The following SNX32 variants were observed in gnomAD, a reference collection of about 807,000 sequenced individuals.
SNX32 encodes sorting nexin-32.
In SNX32, 58 loss-of-function variants were observed where a neutral mutation model predicts 57.0. The ratio of observed to expected loss-of-function variants is 1.02; its 90% confidence interval spans 0.82 to 1.27. SNX32 has a LOEUF of 1.27. Among genes scored for constraint, SNX32 ranks in the 50% most tolerant of loss-of-function variants. SNX32 has a pLI of 0.00. For missense variants in SNX32, 589 were observed against 541.2 expected, an observed-to-expected ratio of 1.09 and a Z score of -0.88; for synonymous variants, 262 against 220.4, an observed-to-expected ratio of 1.19 and a Z score of -1.67.
chr11:65,836,002 G>A (rs931883434), intron 1 of SNX32, among the ~76,000 whole-genome samples: 1 of 152,062 alleles, frequency 6.6e-6, no homozygotes, highest in Non-Finnish European at 1.5e-5. Flanking sequence ...TATTGTAAGG[G>A]CCAACATAAG....
rs1292764812 is a variant in SNX32 at position 65,852,937 on chromosome 11, G to C, written c.1137G>C (p.Glu379Asp). ...SFRKNLIELAELELKHAKAST... is the reference protein window; with the variant it reads ...SFRKNLIELADLELKHAKAST... Reference sequence around the variant, plus strand: ...GAAAGAATCTCATTGAGCTGGCAGAGCTGGAGCTCAAACACGCCAAGGTGA... The same window carrying C: ...GAAAGAATCTCATTGAGCTGGCAGACCTGGAGCTCAAACACGCCAAGGTGA... Residue 379 changes from glutamate (E) to aspartate (D), a missense_variant, in exon 12 of 13, where the codon GAG (glutamate) becomes GAC (aspartate). Physicochemically the swap from Glu to Asp is conservative, Grantham distance 45. Coordinates refer to ENST00000308342, the MANE Select transcript of SNX32 (RefSeq NM_152760.3). The C allele has an allele frequency of 6.2e-7, 1 of 1,614,130 alleles. No homozygotes were observed. The highest frequency in any genetic ancestry group is 8.5e-7 in the Non-Finnish European group (1 of 1,180,002).
chr11:65,852,419 G>C lies in SNX32; in HGVS notation c.826-46G>C, dbSNP rs200156250. The C allele has an allele frequency of 9.2e-4, 1,413 of 1,542,596 alleles. 1 individual carries two copies. Among genetic ancestry groups the C allele is most frequent in the Non-Finnish European group, 1.1e-3 (1,238 of 1,115,348 alleles). ...AAGAGGTGCCTCCCACCCCTTAGCT[G>C]CCCCTCTGACAAGCTCCCTTCCCAG... On this transcript the variant is annotated intron_variant, in intron 9 of 12. Transcript: ENST00000308342.
In SNX32 at chr11:65,839,225, A is replaced by ATTTTTTTTTTTTTTTTT. The variant is rs1168882508; in HGVS notation, c.36+5130_36+5146dup. The stretch of plus-strand genomic sequence containing the variant: ...CACCACGCCCAGCTAATTTTTTTGT[A>ATTTTTTTTTTTTTTTTT]TTTTTTTTTTTTTTTTTTTTTTGAG... On this transcript the variant is annotated intron_variant, in intron 1 of 12. Coordinates refer to ENST00000308342, the MANE Select transcript of SNX32 (RefSeq NM_152760.3). Among the ~76,000 whole-genome samples the ATTTTTTTTTTTTTTTTT allele has an allele frequency of 5.1e-3, 141 of 27,632 alleles. 44 individuals carry two copies. The highest frequency in any genetic ancestry group is 0.01 in the Admixed American group (14 of 1,358). 18.1% of individuals were successfully genotyped at this position (27,632 alleles called of 152,430 possible).
chr11:65,848,105 C>G (rs1349081361), intron 1 of SNX32, among the ~76,000 whole-genome samples: 1 of 152,092 alleles, frequency 6.6e-6, no homozygotes, highest in African/African-American at 2.4e-5. Flanking sequence ...CCACATATCA[C>G]CAAGCCCCAT....
At chr11:65,839,650 ATAAG>A in intron 1 of SNX32, among the ~76,000 whole-genome samples, 1 of 151,486 alleles carries the variant, frequency 6.6e-6, no homozygotes, top group Non-Finnish European at 1.5e-5. Context: ...CGGCTGGAAA[ATAAG>A]TAACTAAAAA....
In SNX32 at chr11:65,839,733, A is replaced by C. The variant is rs1229097436; in HGVS notation, c.36+5632A>C. On this transcript the variant is annotated intron_variant, in intron 1 of 12. Transcript: ENST00000308342. ...GGGTGACACAGTGAGACCCTGTCCC[A>C]AAAAAAAAAAAAAAAATTATCAAGC... Among the ~76,000 whole-genome samples, 16 of 64,028 alleles carry C rather than the reference A, an allele frequency of 2.5e-4. No individual in the cohort carries two copies. In the South Asian group the frequency reaches 3.4e-3, roughly 14 times the overall value. 42.0% of individuals were successfully genotyped at this position (64,028 alleles called of 152,430 possible). A position where few individuals can be genotyped will look rare whatever the true frequency, so the allele number is the denominator to read the frequency against.
intron 1 of SNX32, among the ~76,000 whole-genome samples, chr11:65,836,970 G>A (rs1858686807): frequency 6.6e-6 from 1 of 152,080 alleles, no homozygotes; most frequent in Non-Finnish European, 1.5e-5. Context: ...AAACCTAGAT[G>A]ACGGGTTGAT....
At chr11:65,849,356 C>A in intron 1 of SNX32, 122 bp from the exon 2 acceptor site, 1 of 728,478 alleles carries the variant, frequency 1.4e-6, no homozygotes. Flanking sequence ...CTCTGGTGAC[C>A]TGGGGCATTG....
At chr11:65,838,092 GT>G (rs1858721184) in intron 1 of SNX32, among the ~76,000 whole-genome samples, 2 of 151,988 alleles carry the variant, frequency 1.3e-5, no homozygotes, top group African/African-American at 4.8e-5. Context: ...GGAGGCGGAG[GT>G]TGCAGTGAGC....
intron 1 of SNX32, among the ~76,000 whole-genome samples, chr11:65,843,839 A>T (rs1398885985): frequency 1.3e-5 from 2 of 152,254 alleles, no homozygotes; most frequent in African/African-American, 4.8e-5. Flanking sequence ...CTCCAGCAAC[A>T]GTTCCTACAA....
intron 1 of SNX32, among the ~76,000 whole-genome samples, chr11:65,839,223 G>GTTTGTTTTTTTTTTTTT (rs755185237): frequency 8.7e-5 from 2 of 23,078 alleles, no homozygotes; most frequent in African/African-American, 2.0e-4. Context: ...TAATTTTTTT[G>GTTTGTTTTTTTTTTTTT]TATTTTTTTT....
In SNX32 at chr11:65,851,649, C is replaced by T. The variant is rs757402274; in HGVS notation, c.795C>T (p.Leu265=). The T allele has an allele frequency of 1.2e-6, 2 of 1,614,122 alleles. No homozygotes were observed. The highest frequency in any genetic ancestry group is 2.2e-5 in the South Asian group (2 of 91,066). Residue 265 remains leucine, a synonymous_variant, in exon 9 of 13, where the codon CTC becomes CTT. Transcript: ENST00000308342. The part of the protein sequence containing the change: ...QEVNQLRTSF[L]KLAELFERLR... The stretch of plus-strand genomic sequence containing the variant: ...CCCTACTGCTTCCTAGGAGCTTCCT[C>T]AAATTGGCAGAGCTCTTTGAACGGC...
intron 1 of SNX32, among the ~76,000 whole-genome samples, chr11:65,834,836 G>T (rs199696891): frequency 8.6e-6 from 1 of 115,888 alleles, no homozygotes; most frequent in East Asian, 2.6e-4. Context: ...GTGTGTGTCT[G>T]TGTATTTCTG....
At chr11:65,847,188 T>G (rs1859025118) in intron 1 of SNX32, among the ~76,000 whole-genome samples, 1 of 152,054 alleles carries the variant, frequency 6.6e-6, no homozygotes, top group Non-Finnish European at 1.5e-5. Flanking sequence ...AAAGTTTTTT[T>G]GTGGAGATGG....
At chr11:65,838,386 TA>T (rs1858731394) in intron 1 of SNX32, among the ~76,000 whole-genome samples, 1 of 152,052 alleles carries the variant, frequency 6.6e-6, no homozygotes, top group Non-Finnish European at 1.5e-5. Flanking sequence ...AATTAAATAG[TA>T]AGTAATTGTA....
Position 65,850,210 on chromosome 11 carries a change from G to A in SNX32, c.313G>A (p.Gly105Ser). Reference sequence around the variant, plus strand: ...TTCGAGGGAAAAGCTACAGAAATTGGGCGAGGGGGACAGCTCTGTCACTCG... The same window carrying A: ...TTCGAGGGAAAAGCTACAGAAATTGAGCGAGGGGGACAGCTCTGTCACTCG... ...EASREKLQKL[G>S]EGDSSVTREE... Residue 105 changes from glycine to serine, a missense_variant, in exon 4 of 13, where the codon GGC becomes AGC. Gly to Ser is a moderately conservative substitution (Grantham distance 56). Coordinates refer to ENST00000308342, the MANE Select transcript of SNX32 (RefSeq NM_152760.3). 6.2e-7 allele frequency: 1 copy of A among 1,614,218 alleles called. No individual in the cohort carries two copies. Among genetic ancestry groups the A allele is most frequent in the Non-Finnish European group, 8.5e-7 (1 of 1,180,040 alleles).
chr11:65,843,438 G>A (rs1163901628), intron 1 of SNX32, among the ~76,000 whole-genome samples: 1 of 151,582 alleles, frequency 6.6e-6, no homozygotes, highest in Non-Finnish European at 1.5e-5. Context: ...GCGTTGTGGC[G>A]GGCACCTGTA....
At chr11:65,850,304 G>A in intron 4 of SNX32, 33 bp downstream of exon 4, 1 of 1,614,048 alleles carries the variant, frequency 6.2e-7, no homozygotes, top group Non-Finnish European at 8.5e-7. Flanking sequence ...GCCATCCCCA[G>A]AGTCCAGATG....
In SNX32 at chr11:65,849,956, G is replaced by T. The variant is rs915491652; in HGVS notation, c.178G>T (p.Val60Phe). 2 of 1,600,114 alleles carry T rather than the reference G, an allele frequency of 1.2e-6. No homozygotes were observed. The highest frequency in any genetic ancestry group is 2.2e-5 in the South Asian group (2 of 89,596). Residue 60 changes from valine to phenylalanine, a missense_variant, in exon 3 of 13, where the codon GTC becomes TTC. Physicochemically the swap from Val to Phe is conservative, Grantham distance 50. Coordinates refer to ENST00000308342, the MANE Select transcript of SNX32 (RefSeq NM_152760.3). ...TCACTTCGCCCAGACCGAGTTCTCA[G>T]TCGTGCGGCAGCACGAGGAGTTCAT... ...LPHFAQTEFS[V>F]VRQHEEFIWL...
Sources: allele counts gnomAD v4.1 joint callset (sites outside exome capture counted in the v4.1 genomes callset), GRCh38; gene constraint gnomAD v4.1.1; transcripts MANE v1.5; gene names NCBI Gene and HGNC (gene_info 2026-07-23, HGNC 2026-07-21).